Variants in LHFPL2 observed in about 807,000 individuals in gnomAD.
LHFPL2 encodes LHFPL tetraspan subfamily member 2.
Under a neutral mutation model 17.5 loss-of-function variants are expected in LHFPL2, and 7 were observed. That is an observed-to-expected ratio of 0.40 (90% confidence interval 0.23 to 0.75). The LOEUF is 0.75. LHFPL2 is among the 30% of genes least tolerant of loss of function. The pLI, the probability that LHFPL2 is intolerant of heterozygous loss-of-function variation, is 0.37. For missense variants in LHFPL2, 241 were observed against 294.8 expected (o/e 0.82, Z 1.34); for synonymous variants, 134 against 116.2 (o/e 1.15, Z -0.99).
chr5:78,564,803 A>C lies in LHFPL2; in HGVS notation c.-186+10T>G, dbSNP rs151254972. On this transcript the variant is annotated intron_variant, in intron 3 of 4. Transcript: ENST00000380345. ...ACCAACAATAAGGTCATGTGATTTC[A>C]TTTACTTACCTATTTATATCTGTAG... 102 of 152,322 alleles carry C rather than the reference A, an allele frequency of 6.7e-4. 3 individuals are homozygous for C. The East Asian group carries it at 0.015, about 23-fold the overall frequency. The allele number at this position is 152,322 out of a possible 1,614,324, so 9.4% of individuals were successfully genotyped here.
intron 3 of LHFPL2, among the ~76,000 whole-genome samples, chr5:78,511,997 C>G (rs1405925891): frequency 3.9e-5 from 6 of 152,094 alleles, no homozygotes; most frequent in Non-Finnish European, 8.8e-5. Context: ...TCGTCTGAGC[C>G]GGTAAGGGTA....
At chr5:78,620,332 C>A (rs4447966) in intron 2 of LHFPL2, among the ~76,000 whole-genome samples, 1 of 151,576 alleles carries the variant, frequency 6.6e-6, no homozygotes, top group Non-Finnish European at 1.5e-5. Flanking sequence ...TCATGTCCTT[C>A]GCCCATTTTT....
intron 2 of LHFPL2, among the ~76,000 whole-genome samples, chr5:78,583,465 T>G (rs1374238514): frequency 6.7e-6 from 1 of 149,734 alleles, no homozygotes; most frequent in Non-Finnish European, 1.5e-5. Flanking sequence ...GGAGCTCTTT[T>G]AGGGCAGGCC....
At chr5:78,580,890 A>T (rs956282978) in intron 2 of LHFPL2, among the ~76,000 whole-genome samples, 1 of 152,162 alleles carries the variant, frequency 6.6e-6, no homozygotes, top group Non-Finnish European at 1.5e-5. Flanking sequence ...GAAGAAAGTC[A>T]TTGGTAGCTT....
At chr5:78,645,359 A>G (rs988151478) in intron 1 of LHFPL2, among the ~76,000 whole-genome samples, 11 of 151,692 alleles carry the variant, frequency 7.3e-5, no homozygotes, top group African/African-American at 2.4e-4. Context: ...GTGGCTCCCT[A>G]GGTATTTGCT....
At chr5:78,615,056 A>G (rs954437348) in intron 2 of LHFPL2, among the ~76,000 whole-genome samples, 2 of 152,244 alleles carry the variant, frequency 1.3e-5, no homozygotes, top group African/African-American at 4.8e-5. Flanking sequence ...TGCAGAAGAG[A>G]CTTTGACTTC....
At chr5:78,517,888 T>C (rs1191803484) in intron 3 of LHFPL2, among the ~76,000 whole-genome samples, 2 of 152,218 alleles carry the variant, frequency 1.3e-5, no homozygotes, top group Non-Finnish European at 2.9e-5. Flanking sequence ...CTTGCGTATT[T>C]TATGTTTGTT....
At chr5:78,606,443 G>A (rs911439529) in intron 2 of LHFPL2, among the ~76,000 whole-genome samples, 6 of 152,052 alleles carry the variant, frequency 3.9e-5, no homozygotes, top group African/African-American at 9.7e-5. Flanking sequence ...TCAAAAAGTC[G>A]GTAATTAAAT....
chr5:78,555,990 G>A (rs1024168605), intron 3 of LHFPL2, among the ~76,000 whole-genome samples: 1 of 152,134 alleles, frequency 6.6e-6, no homozygotes, highest in Non-Finnish European at 1.5e-5. Flanking sequence ...CCCTGAACAG[G>A]CAGAGTGGAA....
chr5:78,634,638 G>T (rs1178268496), intron 1 of LHFPL2, among the ~76,000 whole-genome samples: 1 of 152,148 alleles, frequency 6.6e-6, no homozygotes, highest in Non-Finnish European at 1.5e-5. Context: ...TTGAATAAAT[G>T]ACTGAATACA....
intron 1 of LHFPL2, among the ~76,000 whole-genome samples, chr5:78,634,161 AT>A (rs1369567273): frequency 6.6e-6 from 1 of 152,184 alleles, no homozygotes; most frequent in Non-Finnish European, 1.5e-5. Flanking sequence ...AAGTTCTCAC[AT>A]TCTTGTTTGT....
intron 4 of LHFPL2, among the ~76,000 whole-genome samples, chr5:78,492,575 T>A (rs1463633049): frequency 6.6e-6 from 1 of 152,216 alleles, no homozygotes; most frequent in African/African-American, 2.4e-5. Context: ...CCTGAGGCGC[T>A]CCCTTTTCTA....
At chr5:78,599,437 T>C (rs775179963) in intron 2 of LHFPL2, among the ~76,000 whole-genome samples, 33 of 151,930 alleles carry the variant, frequency 2.2e-4, no homozygotes, top group Non-Finnish European at 4.4e-4. Context: ...GTAGCTGGGA[T>C]TACAAGTGTC....
intron 4 of LHFPL2, among the ~76,000 whole-genome samples, chr5:78,497,283 GCTGTGGTTAA>G (rs1754635967): frequency 2.7e-5 from 2 of 72,950 alleles, no homozygotes; most frequent in Non-Finnish European, 7.9e-5. Flanking sequence ...CTCCTTTAAG[GCTGTGGTTAA>G]TTAAATCTCT....
chr5:78,505,900 G>A (rs939211571), intron 4 of LHFPL2, among the ~76,000 whole-genome samples: 1 of 152,204 alleles, frequency 6.6e-6, no homozygotes, highest in African/African-American at 2.4e-5. Context: ...CATTTTACAA[G>A]TGAGAAAACT....
intron 4 of LHFPL2, among the ~76,000 whole-genome samples, chr5:78,495,874 G>A (rs888138402): frequency 6.6e-6 from 1 of 152,172 alleles, no homozygotes; most frequent in African/African-American, 2.4e-5. Context: ...GGATGCTGTA[G>A]GGTTTCAGAG....
intron 3 of LHFPL2, among the ~76,000 whole-genome samples, chr5:78,547,718 G>A (rs1320040709): frequency 6.6e-6 from 1 of 152,206 alleles, no homozygotes; most frequent in African/African-American, 2.4e-5. Context: ...CAAAGCAGCT[G>A]GAGAAAGTCA....
chr5:78,600,057 A>G (rs1743959752), intron 2 of LHFPL2, among the ~76,000 whole-genome samples: 1 of 152,156 alleles, frequency 6.6e-6, no homozygotes, highest in Non-Finnish European at 1.5e-5. Flanking sequence ...CTACTTCCCA[A>G]GAAAGCCGGG....
chr5:78,581,240 G>C (rs942428875), intron 2 of LHFPL2, among the ~76,000 whole-genome samples: 15 of 152,270 alleles, frequency 9.9e-5, no homozygotes, highest in African/African-American at 3.6e-4. Context: ...TCTGCAAACA[G>C]GGACAATTTG....
Sources: allele counts gnomAD v4.1 joint callset (sites outside exome capture counted in the v4.1 genomes callset), GRCh38; gene constraint gnomAD v4.1.1; transcripts MANE v1.5; gene names NCBI Gene and HGNC (gene_info 2026-07-23, HGNC 2026-07-21).